THSD7A: variants seen among roughly 807,000 people sequenced by gnomAD.
THSD7A encodes thrombospondin type-1 domain-containing protein 7A.
In THSD7A, 96 loss-of-function variants were observed where a neutral mutation model predicts 231.3. That is an observed-to-expected ratio of 0.41 (90% CI 0.35 to 0.49). The LOEUF is 0.49. THSD7A is among the 20% of genes least tolerant of loss of function. The pLI, the probability that THSD7A is intolerant of heterozygous loss-of-function variation, is 0.05. For synonymous variants in THSD7A, 940 were observed against 743.3 expected (o/e 1.26, Z -4.30); for missense variants, 2,290 against 2,070.2 (o/e 1.11, Z -2.06).
At position 11,474,193 on chromosome 7, in the gene THSD7A, C is replaced by A. The variant is rs748240353; in HGVS notation, c.2252+141G>T. 1.5e-6 allele frequency: 1 copy of A among 674,342 alleles called. No homozygotes were observed. The highest frequency in any genetic ancestry group is 2.4e-6 in the Non-Finnish European group (1 of 415,054). The allele number at this position is 674,342 out of a possible 1,614,324, so 41.8% of individuals were successfully genotyped here. ...CTGTTATAGCTTTATCAGTGGCTGA[C>A]TTTCAAAACAAACAAATCTTGCTCT... On this transcript the variant is annotated intron_variant, in intron 8 of 27. Transcript: ENST00000423059. This position sits in a 1 kb window ranked among gnomAD's most constrained non-coding sequence, Gnocchi z 4.1.
At chr7:11,619,830 T>C in intron 2 of THSD7A, among the ~76,000 whole-genome samples, 1 of 152,192 alleles carries the variant, frequency 6.6e-6, no homozygotes, top group Non-Finnish European at 1.5e-5. Flanking sequence ...TAATTTTATC[T>C]TTATAATTGG....
chr7:11,645,913 AC>A lies in THSD7A; in HGVS notation c.191-8953del, dbSNP rs200576129. ...GTGGTTTCTTTGGATGCAGTTAAAC[AC>A]CCCCAAAAAAGTAGTTATATAAACT... is the stretch of plus-strand genomic sequence containing the variant. On this transcript the variant is annotated intron_variant, in intron 1 of 27. Transcript: ENST00000423059. 7.4e-3 allele frequency among the ~76,000 whole-genome samples: 1,129 copies of A among 151,932 alleles called. 9 individuals carry two copies. The highest frequency in any genetic ancestry group is 0.026 in the African/African-American group (1,062 of 41,488).
intron 13 of THSD7A, among the ~76,000 whole-genome samples, chr7:11,430,047 C>T (rs1055301495): frequency 1.3e-5 from 2 of 152,168 alleles, no homozygotes; most frequent in South Asian, 2.1e-4. Context: ...ATGAAACGCA[C>T]GGTTGTCCTC....
intron 6 of THSD7A, among the ~76,000 whole-genome samples, chr7:11,538,794 C>T: frequency 6.6e-6 from 1 of 152,136 alleles, no homozygotes; most frequent in Non-Finnish European, 1.5e-5. Flanking sequence ...CAAAACTCCT[C>T]CTGGGGTCTC....
chr7:11,506,759 G>C (rs1007519612), intron 6 of THSD7A, among the ~76,000 whole-genome samples: 7 of 151,980 alleles, frequency 4.6e-5, no homozygotes, highest in Non-Finnish European at 7.4e-5. Context: ...TCTGATATTT[G>C]CTTATTCTGG....
intron 1 of THSD7A, among the ~76,000 whole-genome samples, chr7:11,780,519 G>C (rs1231359905): frequency 6.6e-6 from 1 of 152,040 alleles, no homozygotes; most frequent in Non-Finnish European, 1.5e-5. Context: ...GTCTTCAGCC[G>C]ACAGCCAGCT....
At chr7:11,732,932 C>T (rs1447853798) in intron 1 of THSD7A, among the ~76,000 whole-genome samples, 3 of 151,834 alleles carry the variant, frequency 2.0e-5, no homozygotes, top group Non-Finnish European at 2.9e-5. Flanking sequence ...TAGCATTGAA[C>T]TGCCATATAC....
chr7:11,773,307 G>A (rs1783294637), intron 1 of THSD7A, among the ~76,000 whole-genome samples: 1 of 152,178 alleles, frequency 6.6e-6, no homozygotes, highest in Non-Finnish European at 1.5e-5. Flanking sequence ...GCCGAGGCGG[G>A]CAGATCATCT....
intron 2 of THSD7A, among the ~76,000 whole-genome samples, chr7:11,597,494 T>C (rs993597896): frequency 6.6e-6 from 1 of 152,102 alleles, no homozygotes; most frequent in Non-Finnish European, 1.5e-5. Flanking sequence ...CCATATCCAA[T>C]GGTGATTGAG....
At chr7:11,423,247 A>C (rs1021271068) in intron 16 of THSD7A, among the ~76,000 whole-genome samples, 2 of 152,172 alleles carry the variant, frequency 1.3e-5, no homozygotes, top group Admixed American at 6.5e-5. Context: ...TTATACGGTA[A>C]AACAAATATT....
At chr7:11,662,922 T>A (rs951310090) in intron 1 of THSD7A, among the ~76,000 whole-genome samples, 1 of 151,352 alleles carries the variant, frequency 6.6e-6, no homozygotes, top group Non-Finnish European at 1.5e-5. Flanking sequence ...TAAGAAAACT[T>A]ATCATTTAAA....
intron 6 of THSD7A, among the ~76,000 whole-genome samples, chr7:11,536,169 T>G (rs182637212): frequency 6.6e-6 from 1 of 152,192 alleles, no homozygotes; most frequent in South Asian, 2.1e-4. Context: ...TTCAATTTCA[T>G]TGGGAATCCA....
chr7:11,603,016 A>G (rs1584063404), intron 2 of THSD7A, among the ~76,000 whole-genome samples: 1 of 151,004 alleles, frequency 6.6e-6, no homozygotes, highest in Non-Finnish European at 1.5e-5. Flanking sequence ...CAAAAGACAA[A>G]ATTGACAAAT....
chr7:11,719,083 T>C (rs1356461140), intron 1 of THSD7A, among the ~76,000 whole-genome samples: 2 of 151,662 alleles, frequency 1.3e-5, no homozygotes, highest in African/African-American at 4.8e-5. Context: ...CATGTGTGTT[T>C]TTCTTAAGTC....
intron 1 of THSD7A, among the ~76,000 whole-genome samples, chr7:11,800,509 G>A (rs7456883): frequency 0.83 from 126,214 of 152,124 alleles, 52,562 homozygotes; most frequent in South Asian, 0.89. Flanking sequence ...GGATTGTGCT[G>A]TTGCACTCTA....
intron 10 of THSD7A, among the ~76,000 whole-genome samples, chr7:11,461,536 T>C (rs575918979): frequency 6.6e-5 from 10 of 152,240 alleles, no homozygotes; most frequent in African/African-American, 2.4e-4. Context: ...TTTGAGGTGA[T>C]CACAAATGAA....
At chr7:11,805,916 A>C (rs1784387894) in intron 1 of THSD7A, among the ~76,000 whole-genome samples, 1 of 152,134 alleles carries the variant, frequency 6.6e-6, no homozygotes, top group Non-Finnish European at 1.5e-5. Context: ...TTTTGAGAAA[A>C]GGATATTGTA....
intron 1 of THSD7A, among the ~76,000 whole-genome samples, chr7:11,640,863 T>A (rs1782053003): frequency 1.3e-5 from 2 of 152,118 alleles, no homozygotes; most frequent in Non-Finnish European, 2.9e-5. Context: ...TTTTCCCACT[T>A]TATAAAAAAT....
chr7:11,739,395 TAAAG>T (rs1782028752), intron 1 of THSD7A, among the ~76,000 whole-genome samples: 1 of 151,792 alleles, frequency 6.6e-6, no homozygotes, highest in South Asian at 2.1e-4. Flanking sequence ...TAGACTAAAA[TAAAG>T]AAAACTATTT....
Sources: allele counts gnomAD v4.1 joint callset (sites outside exome capture counted in the v4.1 genomes callset), GRCh38; gene constraint gnomAD v4.1.1; non-coding constraint Gnocchi (gnomAD v3.1); transcripts MANE v1.5; gene names NCBI Gene and HGNC (gene_info 2026-07-23, HGNC 2026-07-21).